Variants in MYO9B observed in about 807,000 individuals in gnomAD.
The protein encoded by MYO9B is myosin IXB.
Under a neutral mutation model 229.5 loss-of-function variants are expected in MYO9B, and 71 were observed. The observed-to-expected ratio is 0.31, with a 90% CI of 0.26 to 0.38. The LOEUF (loss-of-function observed/expected upper bound fraction) is 0.38, where lower values mean the gene tolerates loss of function less well. Ranked by LOEUF, MYO9B falls within the 10% of genes least tolerant of loss-of-function variation. The probability of loss-of-function intolerance (pLI) is 1.00; values close to 1 mark genes in which losing one functional copy is unlikely to be tolerated. For missense variants in MYO9B, 2,255 were observed against 2,920.5 expected (o/e 0.77, Z 5.25); for synonymous variants, 1,185 against 1,235.8 (o/e 0.96, Z 0.86).
intron 20 of MYO9B, among the ~76,000 whole-genome samples, chr19:17,192,323 G>T (rs2072994672): frequency 6.7e-6 from 1 of 149,118 alleles, no homozygotes; most frequent in East Asian, 2.0e-4. Flanking sequence ...GCCAGGTGCA[G>T]TGGCTCATGC....
chr19:17,079,672 T>A (rs1216918481), intron 1 of MYO9B, among the ~76,000 whole-genome samples: 2 of 152,104 alleles, frequency 1.3e-5, no homozygotes, highest in Non-Finnish European at 2.9e-5. Flanking sequence ...TGACCGTGAC[T>A]TTGCTGCTTT....
chr19:17,183,729 T>C, intron 15 of MYO9B, 100 bp from the exon 16 acceptor site: 2 of 980,872 alleles, frequency 2.0e-6, no homozygotes, highest in Non-Finnish European at 1.5e-6. Context: ...CCTCTCTCTG[T>C]GTCTCTCAGT....
At chr19:17,210,618 T>A in intron 37 of MYO9B, 97 bp from the exon 38 acceptor site, 1 of 1,410,352 alleles carries the variant, frequency 7.1e-7, no homozygotes, top group Non-Finnish European at 9.4e-7. Flanking sequence ...CCCAGCACAC[T>A]CACATCACAA....
chr19:17,202,767 T>A, intron 28 of MYO9B, 75 bp from the exon 29 acceptor site: 1 of 1,461,102 alleles, frequency 6.8e-7, no homozygotes, highest in Non-Finnish European at 9.3e-7. Flanking sequence ...CACGCCTGAG[T>A]TATGGGGTGC....
chr19:17,178,028 C>A (rs537065517), intron 14 of MYO9B: 1 of 152,356 alleles, frequency 6.6e-6, no homozygotes, highest in African/African-American at 2.4e-5. Context: ...AAGGGCCACT[C>A]CTGCCAGATT....
rs537114185 is a variant in MYO9B at position 17,154,570 on chromosome 19, C to T, written c.1199+155C>T. Among the ~76,000 whole-genome samples, 17 of 152,252 alleles carry T rather than the reference C, an allele frequency of 1.1e-4. No individual in the cohort carries two copies. The South Asian group carries it at 2.9e-3, about 26-fold the overall frequency. On this transcript the variant is annotated intron_variant, in intron 6 of 39. Coordinates refer to ENST00000682292, the MANE Select transcript of MYO9B (RefSeq NM_004145.4). Reference sequence around the variant, plus strand: ...CATAGGGAGTGTGGCCCAATAGCAGCGATCACATGAGAAGGGGCTCAAGAC... The same window carrying T: ...CATAGGGAGTGTGGCCCAATAGCAGTGATCACATGAGAAGGGGCTCAAGAC...
intron 19 of MYO9B, among the ~76,000 whole-genome samples, chr19:17,188,425 T>C (rs3826696): frequency 0.54 from 69,124 of 127,790 alleles, 19,720 homozygotes; most frequent in East Asian, 0.75. Context: ...CAAGACTCCA[T>C]CTCAAAAAAA....
intron 2 of MYO9B, among the ~76,000 whole-genome samples, chr19:17,133,438 C>T (rs997527795): frequency 2.6e-5 from 4 of 152,152 alleles, no homozygotes; most frequent in African/African-American, 4.8e-5. Flanking sequence ...CCGCCACCCC[C>T]GGTAACCAGT....
chr19:17,183,970 C>T, intron 16 of MYO9B, 102 bp downstream of exon 16: 2 of 1,135,088 alleles, frequency 1.8e-6, no homozygotes. Context: ...CTCCTCCTTC[C>T]CACTATCTCC....
rs1357611540 is a variant in MYO9B, at chr19:17,206,061, C to T, written c.5166C>T (p.His1722=). The T allele has an allele frequency of 3.1e-6, 5 of 1,610,926 alleles. No individual in the cohort carries two copies. The highest frequency in any genetic ancestry group is 1.1e-5 in the South Asian group (1 of 91,002). ...VPIVLEKLLE[H]VEMHGLYTEG... ...TCGTGCTGGAGAAGCTCCTGGAACA[C>T]GTGGAGATGCACGGCCTGTACACCG... is the stretch of plus-strand genomic sequence containing the variant. Residue 1722 remains histidine, a synonymous_variant, in exon 32 of 40, where the codon CAC becomes CAT. Coordinates refer to ENST00000682292, the MANE Select transcript of MYO9B (RefSeq NM_004145.4).
chr19:17,195,420 C>T lies in MYO9B; in HGVS notation c.3993C>T (p.Ser1331=), dbSNP rs2073032272. ...GCCCTAGTGCCATGCTCAGCCAGTC[C>T]CTGGACCTCAGCGACAGACACCGGG... ...AASPSAMLSQ[S]LDLSDRHRAT... The change falls in exon 22 of 40, where the codon TCC becomes TCT. Residue 1331 remains serine, a synonymous_variant. Transcript: ENST00000682292. This position sits in a 1 kb window ranked among gnomAD's most constrained non-coding sequence, Gnocchi z 4.5. 1 of 1,608,214 alleles carries T rather than the reference C, an allele frequency of 6.2e-7. No individual in the cohort carries two copies. The highest frequency in any genetic ancestry group is 2.2e-5 in the East Asian group (1 of 44,826).
rs1033683101 is a variant in MYO9B at position 17,184,213 on chromosome 19, C to T, written c.2373+345C>T. 6.6e-5 allele frequency among the ~76,000 whole-genome samples: 10 copies of T among 152,302 alleles called. No individual in the cohort carries two copies. In the South Asian group the frequency reaches 8.3e-4, roughly 13 times the overall value. ...ATGGGGAGCTCTAGTGGGTTCATAG[C>T]ACCACAGAGCTCATCCTGCCCCAAC... On this transcript the variant is annotated intron_variant, in intron 16 of 39. Coordinates refer to ENST00000682292, the MANE Select transcript of MYO9B (RefSeq NM_004145.4).
At chr19:17,178,108 G>A (rs999702911) in intron 14 of MYO9B, among the ~76,000 whole-genome samples, 5 of 152,224 alleles carry the variant, frequency 3.3e-5, no homozygotes, top group African/African-American at 7.2e-5. Flanking sequence ...AGCCGTGGCC[G>A]CTGCACTGAC....
chr19:17,115,508 G>A (rs979419595), intron 2 of MYO9B, among the ~76,000 whole-genome samples: 2 of 138,544 alleles, frequency 1.4e-5, no homozygotes, highest in East Asian at 2.1e-4. Context: ...TTGCTTGGTC[G>A]CCCAGGCTGG....
intron 2 of MYO9B, among the ~76,000 whole-genome samples, chr19:17,112,096 C>CCCTGCCCCAGCCAGGCCAA (rs2057852708): frequency 6.6e-6 from 1 of 152,126 alleles, no homozygotes; most frequent in East Asian, 1.9e-4. Flanking sequence ...TTTCCTGGAC[C>CCCTGCCCCAGCCAGGCCAA]CCTGCCCCAG....
intron 1 of MYO9B, among the ~76,000 whole-genome samples, chr19:17,080,791 C>T (rs756330925): frequency 2.6e-5 from 4 of 151,958 alleles, no homozygotes; most frequent in Non-Finnish European, 5.9e-5. Flanking sequence ...ATCGCTTGAG[C>T]CTGGGAGTTT....
rs573297317 is a variant in MYO9B at position 17,131,351 on chromosome 19, C to T, written c.841-14046C>T. Among the ~76,000 whole-genome samples the T allele has an allele frequency of 4.1e-3, 632 of 152,352 alleles. 3 individuals carry two copies. Among genetic ancestry groups the T allele is most frequent in the Non-Finnish European group, 6.0e-3 (408 of 68,038 alleles). ...TGGCATGATCTCGGCACACTGCAAC[C>T]GCTGCCTCCCGCATTCAAGCGATTC... On this transcript the variant is annotated intron_variant, in intron 2 of 39. Coordinates refer to ENST00000682292, the MANE Select transcript of MYO9B (RefSeq NM_004145.4).
chr19:17,081,829 AAG>A (rs1555799272), intron 1 of MYO9B, among the ~76,000 whole-genome samples: 4 of 150,862 alleles, frequency 2.7e-5, no homozygotes, highest in African/African-American at 7.3e-5. Context: ...AAAAAAAAAA[AAG>A]AGGCGAGGAC....
At chr19:17,187,453 C>G (rs2072930741) in intron 18 of MYO9B, among the ~76,000 whole-genome samples, 1 of 152,204 alleles carries the variant, frequency 6.6e-6, no homozygotes, top group South Asian at 2.1e-4. Flanking sequence ...CTCCTGCCCC[C>G]AGACCAAGCT....
Sources: allele counts gnomAD v4.1 joint callset (sites outside exome capture counted in the v4.1 genomes callset), GRCh38; gene constraint gnomAD v4.1.1; non-coding constraint Gnocchi (gnomAD v3.1); transcripts MANE v1.5; gene names NCBI Gene and HGNC (gene_info 2026-07-23, HGNC 2026-07-21).